WWOX: variants seen among roughly 807,000 people sequenced by gnomAD.
WWOX encodes WW domain-containing oxidoreductase.
In WWOX, 69 loss-of-function variants were observed where a neutral mutation model predicts 46.2. That is an observed-to-expected ratio of 1.49 (90% CI 1.23 to 1.82). The LOEUF (loss-of-function observed/expected upper bound fraction) is 1.82, where lower values mean the gene tolerates loss of function less well. Among genes scored for constraint, WWOX ranks in the 40% most tolerant of loss-of-function variants. WWOX has a pLI of 0.00. For missense variants in WWOX, 919 were observed against 542.6 expected, an observed-to-expected ratio of 1.69 and a Z score of -6.89; for synonymous variants, 359 against 202.6, an observed-to-expected ratio of 1.77 and a Z score of -6.56.
At chr16:78,799,110 C>T (rs112989768) in intron 8 of WWOX, among the ~76,000 whole-genome samples, 2 of 151,884 alleles carry the variant, frequency 1.3e-5, no homozygotes, top group Non-Finnish European at 1.5e-5. Context: ...TGTAGATTAC[C>T]TCCACTTCAT....
intron 8 of WWOX, among the ~76,000 whole-genome samples, chr16:78,577,855 G>T (rs563194172): frequency 1.3e-4 from 20 of 152,182 alleles, no homozygotes; most frequent in Admixed American, 1.2e-3. Context: ...GGCTTGTGCC[G>T]TTGGTAATTC....
At chr16:78,817,468 G>C (rs2051365899) in intron 8 of WWOX, among the ~76,000 whole-genome samples, 1 of 152,124 alleles carries the variant, frequency 6.6e-6, no homozygotes, top group Admixed American at 6.5e-5. Flanking sequence ...GGAAGAGTTG[G>C]CTTCTCTGGA....
At chr16:79,060,905 C>T (rs760307325) in intron 8 of WWOX, among the ~76,000 whole-genome samples, 1 of 152,166 alleles carries the variant, frequency 6.6e-6, no homozygotes, top group Non-Finnish European at 1.5e-5. Flanking sequence ...CTAAGAACTT[C>T]CATCCACCCA....
At chr16:78,526,347 G>A (rs1032314311) in intron 8 of WWOX, 1 of 152,234 alleles carries the variant, frequency 6.6e-6, no homozygotes, top group African/African-American at 2.4e-5. Flanking sequence ...GTGGTGCTGA[G>A]CCCCCCTTCC....
At chr16:78,769,230 G>A (rs1031146477) in intron 8 of WWOX, among the ~76,000 whole-genome samples, 1 of 152,172 alleles carries the variant, frequency 6.6e-6, no homozygotes, top group Non-Finnish European at 1.5e-5. Context: ...TATATACCAG[G>A]CGCTGTTACA....
chr16:78,156,241 G>C (rs1034328388), intron 4 of WWOX, among the ~76,000 whole-genome samples: 12 of 151,712 alleles, frequency 7.9e-5, no homozygotes, highest in African/African-American at 2.2e-4. Flanking sequence ...GCCCTTTCTG[G>C]TAATAAAAAG....
Position 78,517,690 on chromosome 16 carries a change from A to C in WWOX, c.1056+84938A>C, listed in dbSNP as rs1273104523. 3.3e-5 allele frequency among the ~76,000 whole-genome samples: 5 copies of C among 152,096 alleles called. No homozygotes were observed. The East Asian group carries it at 9.7e-4, about 29-fold the overall frequency. On this transcript the variant is annotated intron_variant, in intron 8 of 8. Transcript: ENST00000566780. ...TGGAAGCGCGAGGTGGTGAGGATGGAAAGGGCATGCGTTGACTTCATGTTG... is the reference window on the plus strand; with the variant it reads ...TGGAAGCGCGAGGTGGTGAGGATGGCAAGGGCATGCGTTGACTTCATGTTG...
rs190230630 is a variant in WWOX, at chr16:79,152,650, A to G, written c.1057-58958A>G. 4.7e-3 allele frequency among the ~76,000 whole-genome samples: 703 copies of G among 150,672 alleles called. 4 individuals carry two copies. The highest frequency in any genetic ancestry group is 6.2e-3 in the Non-Finnish European group (420 of 67,754). ...CACGCCACTGCACTCCAGCTTGGCGACAGAGTGAGTCTCCATCTCAAAGAA... is the reference window on the plus strand; with the variant it reads ...CACGCCACTGCACTCCAGCTTGGCGGCAGAGTGAGTCTCCATCTCAAAGAA... On this transcript the variant is annotated intron_variant, in intron 8 of 8. Coordinates refer to ENST00000566780, the MANE Select transcript of WWOX (RefSeq NM_016373.4).
intron 8 of WWOX, among the ~76,000 whole-genome samples, chr16:78,962,679 C>T (rs2046293477): frequency 6.6e-6 from 1 of 152,134 alleles, no homozygotes. Flanking sequence ...GTAAGGTGCA[C>T]ACACATTAAA....
intron 5 of WWOX, among the ~76,000 whole-genome samples, chr16:78,228,162 G>C (rs1161961762): frequency 6.6e-6 from 1 of 152,086 alleles, no homozygotes; most frequent in African/African-American, 2.4e-5. Flanking sequence ...CATAGAGAGA[G>C]AAGGCAGGCA....
chr16:78,141,754 G>GT (rs918345745), intron 4 of WWOX, among the ~76,000 whole-genome samples: 9 of 151,574 alleles, frequency 5.9e-5, no homozygotes, highest in South Asian at 2.1e-4. Context: ...CATTGTAATG[G>GT]TTTTTTTTGG....
At chr16:78,812,529 C>G (rs996280382) in intron 8 of WWOX, among the ~76,000 whole-genome samples, 3 of 152,052 alleles carry the variant, frequency 2.0e-5, no homozygotes, top group Non-Finnish European at 2.9e-5. Context: ...CGAGACCAGC[C>G]TGGCCAACAT....
chr16:78,462,395 G>T (rs1365127058), intron 8 of WWOX, among the ~76,000 whole-genome samples: 1 of 152,150 alleles, frequency 6.6e-6, no homozygotes, highest in Non-Finnish European at 1.5e-5. Flanking sequence ...TAGTGAGCCG[G>T]CCATAGATTT....
At position 78,115,609 on chromosome 16, in the gene WWOX, C is replaced by T. The variant is rs140807737; in HGVS notation, c.409+455C>T. The stretch of plus-strand genomic sequence containing the variant: ...TATCATTTTCTTTTGGGCACAGGAT[C>T]TTATTTCTCTATAAAATTGGAGAAT... On this transcript the variant is annotated intron_variant, in intron 4 of 8. Coordinates refer to ENST00000566780, the MANE Select transcript of WWOX (RefSeq NM_016373.4). 3.3e-5 allele frequency among the ~76,000 whole-genome samples: 5 copies of T among 152,302 alleles called. No individual in the cohort carries two copies. The East Asian group carries it at 5.8e-4, about 18-fold the overall frequency.
chr16:79,185,800 A>G (rs560195285), intron 8 of WWOX, among the ~76,000 whole-genome samples: 99 of 152,294 alleles, frequency 6.5e-4, no homozygotes, highest in African/African-American at 2.3e-3. Context: ...TCAGGGTAGA[A>G]TGCATCGGAC....
At chr16:78,615,982 C>A (rs2046014776) in intron 8 of WWOX, among the ~76,000 whole-genome samples, 2 of 152,122 alleles carry the variant, frequency 1.3e-5, no homozygotes, top group Non-Finnish European at 2.9e-5. Flanking sequence ...GATCTCCTGA[C>A]CTCGTGATCT....
intron 8 of WWOX, among the ~76,000 whole-genome samples, chr16:78,812,996 T>A (rs757779200): frequency 2.4e-4 from 37 of 152,062 alleles, no homozygotes; most frequent in Non-Finnish European, 2.2e-4. Context: ...GGAAACACAA[T>A]TAGGGAATCT....
At chr16:78,289,634 A>G (rs1567480132) in intron 5 of WWOX, among the ~76,000 whole-genome samples, 2 of 152,224 alleles carry the variant, frequency 1.3e-5, no homozygotes. Context: ...CTCATGAACG[A>G]AGGGAAGAAT....
chr16:78,135,540 T>G (rs1207121888), intron 4 of WWOX, among the ~76,000 whole-genome samples: 14 of 152,320 alleles, frequency 9.2e-5, no homozygotes, highest in Admixed American at 7.8e-4. Context: ...TCTGCACATT[T>G]AATCATAGGA....
Sources: gnomAD v4.1 joint callset for allele counts (sites outside exome capture counted in the v4.1 genomes callset) on GRCh38, gnomAD v4.1.1 for gene constraint, MANE v1.5 for transcripts, NCBI Gene and HGNC (gene_info 2026-07-23, HGNC 2026-07-21) for gene names.